The following BIN1 variants were observed in gnomAD, a reference collection of about 807,000 sequenced individuals.
The protein encoded by BIN1 is bridging integrator 1.
Under a neutral mutation model 82.0 loss-of-function variants are expected in BIN1, and 53 were observed. The observed-to-expected ratio is 0.65, with a 90% CI of 0.52 to 0.81. BIN1 has a LOEUF of 0.81. Ranked by LOEUF, BIN1 falls within the 40% of genes least tolerant of loss-of-function variation. BIN1 has a pLI of 0.00. For synonymous variants in BIN1, 302 were observed against 328.0 expected (o/e 0.92, Z 0.86); for missense variants, 642 against 784.4 (o/e 0.82, Z 2.17).
At chr2:127,050,995 G>A (rs1558793321) in intron 16 of BIN1, 83 bp from the exon 17 acceptor site, 1 of 1,517,720 alleles carries the variant, frequency 6.6e-7, no homozygotes, top group African/African-American at 1.4e-5. Context: ...GGGCGGGGAG[G>A]GGAGAAAGGT....
In BIN1 at chr2:127,051,347, C is replaced by T. The variant is rs764217574; in HGVS notation, c.1372-104G>A. The T allele has an allele frequency of 8.6e-5, 101 of 1,170,084 alleles. No individual in the cohort carries two copies. In the Middle Eastern group the frequency reaches 1.9e-3, roughly 22 times the overall value. The allele number at this position is 1,170,084 out of a possible 1,614,324, so 72.5% of individuals were successfully genotyped here. A position where few individuals can be genotyped will look rare whatever the true frequency, so the allele number is the denominator to read the frequency against. On this transcript the variant is annotated intron_variant, in intron 15 of 18. Transcript: ENST00000316724. Reference sequence around the variant, plus strand: ...AGCACCCAAGCGACAGGGCCGGGGGCATCGCCTGGCTGGCAGCAGGGTCTA... The same window carrying T: ...AGCACCCAAGCGACAGGGCCGGGGGTATCGCCTGGCTGGCAGCAGGGTCTA...
intron 10 of BIN1, chr2:127,060,565 T>C: frequency 6.2e-7 from 1 of 1,614,002 alleles, no homozygotes. Flanking sequence ...CGCGGGCCTC[T>C]GCGCCCCTCC....
At position 127,067,825 on chromosome 2, in the gene BIN1, G is replaced by A. The variant is rs569333202; in HGVS notation, c.612+338C>T. On this transcript the variant is annotated intron_variant, in intron 7 of 18. Transcript: ENST00000316724. This position sits in a 1 kb window ranked among gnomAD's most constrained non-coding sequence, Gnocchi z 4.7. ...GGCAGTACAGGGGCCTGATGATGTC[G>A]CCTCCCTCCCCAGAGGAGCCCTCAC... 7.9e-5 allele frequency among the ~76,000 whole-genome samples: 12 copies of A among 152,278 alleles called. No individual in the cohort carries two copies. Among genetic ancestry groups the A allele is most frequent in the African/African-American group, 2.9e-4 (12 of 41,540 alleles).
chr2:127,062,015 AC>A, intron 10 of BIN1, 99 bp downstream of exon 10: 1 of 1,405,162 alleles, frequency 7.1e-7, no homozygotes, highest in Non-Finnish European at 9.7e-7. Flanking sequence ...CCAAGGCCAA[AC>A]CCATGGGGGA....
intron 1 of BIN1, among the ~76,000 whole-genome samples, chr2:127,099,114 C>T (rs369735571): frequency 2.0e-5 from 3 of 152,232 alleles, no homozygotes; most frequent in South Asian, 4.1e-4. Context: ...CCACCCTGCA[C>T]CCTCAAACCC....
At position 127,059,214 on chromosome 2, in the gene BIN1, AG is replaced by A; in HGVS notation, c.858-60del. 1 of 1,516,606 alleles carries A rather than the reference AG, an allele frequency of 6.6e-7. No individual in the cohort carries two copies. 93.9% of individuals were successfully genotyped at this position (1,516,606 alleles called of 1,614,324 possible). On this transcript the variant is annotated intron_variant, in intron 10 of 18. Coordinates refer to ENST00000316724, the MANE Select transcript of BIN1 (RefSeq NM_139343.3). The surrounding 1 kb of genome is among the most constrained non-coding windows in gnomAD (Gnocchi z 6.7). Reference sequence around the variant, plus strand: ...TGGGGGGCCAAGGCACAGGAGACGGAGGGGCAAATGTATTGACGTCTGTGTG... The same window carrying A: ...TGGGGGGCCAAGGCACAGGAGACGGAGGGCAAATGTATTGACGTCTGTGTG...
intron 1 of BIN1, among the ~76,000 whole-genome samples, chr2:127,101,003 G>GGGCGGC (rs983164651): frequency 1.5e-5 from 2 of 137,890 alleles, no homozygotes; most frequent in East Asian, 4.2e-4. Context: ...AATGTGCGGG[G>GGGCGGC]GGTGGGGATA....
intron 1 of BIN1, among the ~76,000 whole-genome samples, chr2:127,105,707 C>T (rs1321005099): frequency 1.3e-5 from 2 of 152,176 alleles, no homozygotes; most frequent in Non-Finnish European, 2.9e-5. Flanking sequence ...TTAGGGAGCC[C>T]GCGGGTCTCA....
intron 9 of BIN1, among the ~76,000 whole-genome samples, 189 bp downstream of exon 9, chr2:127,063,382 C>T (rs1684744334): frequency 6.6e-6 from 1 of 152,198 alleles, no homozygotes; most frequent in Non-Finnish European, 1.5e-5. Context: ...CCAGCATGCC[C>T]TGCTGCCCTC....
In BIN1 at chr2:127,050,356, G is replaced by A. The variant is rs1437173571; in HGVS notation, c.1674+65C>T. The A allele has an allele frequency of 1.7e-5, 27 of 1,573,264 alleles. No individual in the cohort carries two copies. In the South Asian group the frequency reaches 1.8e-4, roughly 10 times the overall value. ...CCTGCTGGCCTGTCTCCGCCACGGC[G>A]GTGCCAGCCGCAGCCAGGATGCCTG... On this transcript the variant is annotated intron_variant, in intron 18 of 18. Coordinates refer to ENST00000316724, the MANE Select transcript of BIN1 (RefSeq NM_139343.3).
At chr2:127,050,994 G>A in intron 16 of BIN1, 82 bp from the exon 17 acceptor site, 1 of 1,516,590 alleles carries the variant, frequency 6.6e-7, no homozygotes, top group East Asian at 2.3e-5. Context: ...GGGGCGGGGA[G>A]GGGAGAAAGG....
chr2:127,082,247 A>G lies in BIN1; in HGVS notation c.85-5541T>C, dbSNP rs1016984001. On this transcript the variant is annotated intron_variant, in intron 1 of 18. Transcript: ENST00000316724. The surrounding 1 kb of genome is among the most constrained non-coding windows in gnomAD (Gnocchi z 6.1). The stretch of plus-strand genomic sequence containing the variant: ...CCCCTCCTCCTCCGTCGTCTCCCAC[A>G]CACAGCTCGGGTCAGCCAAGCTGGG... Among the ~76,000 whole-genome samples the G allele has an allele frequency of 2.3e-4, 35 of 149,326 alleles. No homozygotes were observed. Among genetic ancestry groups the G allele is most frequent in the Middle Eastern group, 3.5e-3 (1 of 288 alleles).
At chr2:127,085,591 G>A (rs988714220) in intron 1 of BIN1, among the ~76,000 whole-genome samples, 7 of 152,088 alleles carry the variant, frequency 4.6e-5, no homozygotes, top group Admixed American at 1.3e-4. Context: ...AGGGAGGCCC[G>A]GGGAGAGCCC....
chr2:127,053,612 T>A, intron 13 of BIN1, 167 bp from the exon 14 acceptor site: 2 of 892,694 alleles, frequency 2.2e-6, no homozygotes, highest in Non-Finnish European at 3.6e-6. Flanking sequence ...GTGGCCGAGC[T>A]CCCGACACCT....
chr2:127,062,669 T>G (rs976893828), intron 9 of BIN1, among the ~76,000 whole-genome samples: 2 of 152,238 alleles, frequency 1.3e-5, no homozygotes, highest in African/African-American at 4.8e-5. Flanking sequence ...TCTCTTTGAT[T>G]TGGCCACTAG....
Position 127,076,649 on chromosome 2 carries a change from C to G in BIN1, c.142G>C (p.Val48Leu). 1 of 1,614,176 alleles carries G rather than the reference C, an allele frequency of 6.2e-7. No homozygotes were observed. Among genetic ancestry groups the G allele is most frequent in the Non-Finnish European group, 8.5e-7 (1 of 1,180,040 alleles). Residue 48 changes from valine to leucine, a missense_variant, in exon 2 of 19, where the codon GTC becomes CTC. By Grantham distance (32) the Val-to-Leu change is conservative. Coordinates refer to ENST00000316724, the MANE Select transcript of BIN1 (RefSeq NM_139343.3). ...ETKDEQFEQC[V>L]QNFNKQLTEG... ...ACCAGCTGCTTGTTGAAATTCTGGA[C>G]GCACTGCTCAAACTGCTCATCCTTG...
At chr2:127,075,824 A>G (rs894837793) in intron 2 of BIN1, among the ~76,000 whole-genome samples, 2 of 89,526 alleles carry the variant, frequency 2.2e-5, no homozygotes, top group African/African-American at 9.0e-5. Flanking sequence ...CTCTCCCAGA[A>G]TGCTCCCCGG....
In BIN1 at chr2:127,067,563, C is replaced by T. The variant is rs919501503; in HGVS notation, c.612+600G>A. On this transcript the variant is annotated intron_variant, in intron 7 of 18. Transcript: ENST00000316724. The surrounding 1 kb of genome is among the most constrained non-coding windows in gnomAD (Gnocchi z 4.7). ...GCCAAGGACCCATGCTTCCCCTCCACGTCTCAGCATCCCATCCAGACTGGA... is the reference window on the plus strand; with the variant it reads ...GCCAAGGACCCATGCTTCCCCTCCATGTCTCAGCATCCCATCCAGACTGGA... Among the ~76,000 whole-genome samples the T allele has an allele frequency of 2.6e-5, 4 of 152,224 alleles. No homozygotes were observed. Among genetic ancestry groups the T allele is most frequent in the South Asian group, 2.1e-4 (1 of 4,830 alleles).
rs1196935345 is a variant in BIN1 at position 127,059,593 on chromosome 2, T to C, written c.858-438A>G. ...CCCACACCACACGCAGCAGCCCCTC[T>C]GTTCTGGGGTCTGCTCCCCAGCCTG... On this transcript the variant is annotated intron_variant, in intron 10 of 18. Transcript: ENST00000316724. The surrounding 1 kb of genome is among the most constrained non-coding windows in gnomAD (Gnocchi z 6.7). 6.6e-6 allele frequency among the ~76,000 whole-genome samples: 1 copy of C among 152,136 alleles called. No homozygotes were observed. The highest frequency in any genetic ancestry group is 1.5e-5 in the Non-Finnish European group (1 of 68,010).
Sources: gnomAD v4.1 joint callset for allele counts (sites outside exome capture counted in the v4.1 genomes callset) on GRCh38, gnomAD v4.1.1 for gene constraint, Gnocchi (gnomAD v3.1) non-coding constraint, MANE v1.5 for transcripts, NCBI Gene and HGNC (gene_info 2026-07-23, HGNC 2026-07-21) for gene names.